Variants in ABCB1 observed in about 807,000 individuals in gnomAD.
ABCB1 encodes ATP binding cassette subfamily B member 1, also known as ATP-dependent translocase ABCB1.
In ABCB1, 69 loss-of-function variants were observed where a neutral mutation model predicts 142.0. That is an observed-to-expected ratio of 0.49 (90% CI 0.40 to 0.59). ABCB1 has a LOEUF of 0.59. Among genes scored for constraint, ABCB1 ranks in the 20% least tolerant of loss-of-function variants. The pLI is 0.00. For synonymous variants in ABCB1, 532 were observed against 539.2 expected (o/e 0.99, Z 0.18); for missense variants, 1,326 against 1,554.7 (o/e 0.85, Z 2.47).
At chr7:87,564,353 T>C (rs1158302534) in intron 7 of ABCB1, among the ~76,000 whole-genome samples, 1 of 152,198 alleles carries the variant, frequency 6.6e-6, no homozygotes, top group Non-Finnish European at 1.5e-5. Flanking sequence ...GGGCTCCCAC[T>C]GGCCCCTGCT....
At chr7:87,703,419 A>C (rs1829265459) in intron 1 of ABCB1, among the ~76,000 whole-genome samples, 1 of 152,174 alleles carries the variant, frequency 6.6e-6, no homozygotes, top group Non-Finnish European at 1.5e-5. Flanking sequence ...TTAGCTCCTT[A>C]ATATGAAAGT....
Position 87,566,165 on chromosome 7 carries a change from C to T in ABCB1, c.607G>A (p.Gly203Arg), listed in dbSNP as rs1584886062. 1 of 1,614,164 alleles carries T rather than the reference C, an allele frequency of 6.2e-7. No individual in the cohort carries two copies. The highest frequency in any genetic ancestry group is 8.5e-7 in the Non-Finnish European group (1 of 1,180,006). The change falls in exon 7 of 28, where the codon GGG (glycine) becomes AGG (arginine). Residue 203 changes from glycine to arginine, a missense_variant. Physicochemically the swap from Gly to Arg is moderately radical, Grantham distance 125 (BLOSUM62 -2). Transcript: ENST00000622132. The stretch of plus-strand genomic sequence containing the variant: ...CCACGTGTAAATCCTACTATAAACC[C>T]AGTGAAAAATGTTGCCATTGACTGA... ...FFQSMATFFT[G>R]FIVGFTRGWK...
chr7:87,587,139 G>A (rs1563064762), intron 3 of ABCB1, among the ~76,000 whole-genome samples: 1 of 152,114 alleles, frequency 6.6e-6, no homozygotes, highest in Non-Finnish European at 1.5e-5. Context: ...CTTTGTCTTA[G>A]ATAAGAATTC....
chr7:87,514,827 T>C (rs780026492), intron 25 of ABCB1, among the ~76,000 whole-genome samples: 8 of 152,252 alleles, frequency 5.3e-5, no homozygotes, highest in Non-Finnish European at 1.0e-4. Context: ...AGTCTCCTCC[T>C]TACCCAATCT....
intron 21 of ABCB1, chr7:87,522,408 G>T: frequency 3.0e-6 from 2 of 674,990 alleles, no homozygotes; most frequent in Non-Finnish European, 5.5e-6. Context: ...AGTGGCAGAA[G>T]ATTTTAAATT....
Position 87,520,690 on chromosome 7 carries a change from C to T in ABCB1, c.2786+86G>A, listed in dbSNP as rs1007734698. On this transcript the variant is annotated intron_variant, in intron 22 of 27. Coordinates refer to ENST00000622132, the MANE Select transcript of ABCB1 (RefSeq NM_001348946.2). Reference sequence around the variant, plus strand: ...AGCACTTTCTCCACTTGCTCCCTACCTTCTAGCCAAAGTAATCCCTCTGAA... The same window carrying T: ...AGCACTTTCTCCACTTGCTCCCTACTTTCTAGCCAAAGTAATCCCTCTGAA... 6 of 1,228,410 alleles carry T rather than the reference C, an allele frequency of 4.9e-6. No homozygotes were observed. The African/African-American group carries it at 8.9e-5, about 18-fold the overall frequency. The allele number at this position is 1,228,410 out of a possible 1,614,324, so 76.1% of individuals were successfully genotyped here. A position where few individuals can be genotyped will look rare whatever the true frequency, so the allele number is the denominator to read the frequency against.
intron 3 of ABCB1, among the ~76,000 whole-genome samples, chr7:87,586,506 G>C (rs1818767970): frequency 6.6e-6 from 1 of 152,218 alleles, no homozygotes; most frequent in Non-Finnish European, 1.5e-5. Context: ...AGCTGTGGGT[G>C]TCTATGGATA....
intron 1 of ABCB1, among the ~76,000 whole-genome samples, chr7:87,704,290 G>T (rs1439384045): frequency 6.6e-6 from 1 of 152,006 alleles, no homozygotes; most frequent in Non-Finnish European, 1.5e-5. Flanking sequence ...TAAGGTTTAG[G>T]CTAAGGTTAA....
chr7:87,559,740 G>T lies in ABCB1; in HGVS notation c.827+1523C>A, dbSNP rs1292317138. Among the ~76,000 whole-genome samples the T allele has an allele frequency of 3.3e-5, 5 of 152,134 alleles. No homozygotes were observed. In the East Asian group the frequency reaches 9.6e-4, roughly 29 times the overall value. ...GAGAGAGATTGTTTCCTACTTCACA[G>T]AGTAGTATAAATTCAGACCCCATCT... is the stretch of plus-strand genomic sequence containing the variant. On this transcript the variant is annotated intron_variant, in intron 8 of 27. Coordinates refer to ENST00000622132, the MANE Select transcript of ABCB1 (RefSeq NM_001348946.2).
intron 1 of ABCB1, among the ~76,000 whole-genome samples, chr7:87,645,270 G>C (rs1356523809): frequency 6.6e-6 from 1 of 151,908 alleles, no homozygotes; most frequent in Non-Finnish European, 1.5e-5. Flanking sequence ...TTTTAGTAGA[G>C]ATGGGGTTTC....
chr7:87,544,959 T>A lies in ABCB1; in HGVS notation c.1928A>T (p.Glu643Val). The change falls in exon 16 of 28, where the codon GAA (glutamate) becomes GTA (valine). Residue 643 changes from glutamate to valine, a missense_variant. Physicochemically the swap from Glu to Val is moderately radical, Grantham distance 121 (BLOSUM62 -2). Transcript: ENST00000622132. The stretch of plus-strand genomic sequence containing the variant: ...CAAGGCATCAATTTCACTTTTGGAT[T>A]CATCAGCTGCATTTTCTAATTCAAC... ...NEVELENAAD[E>V]SKSEIDALEM... is the part of the protein sequence containing the mutation. 1 of 1,614,090 alleles carries A rather than the reference T, an allele frequency of 6.2e-7. No homozygotes were observed. Among genetic ancestry groups the A allele is most frequent in the Non-Finnish European group, 8.5e-7 (1 of 1,179,998 alleles).
chr7:87,676,172 A>T (rs1826335151), intron 1 of ABCB1, among the ~76,000 whole-genome samples: 1 of 152,138 alleles, frequency 6.6e-6, no homozygotes, highest in Admixed American at 6.6e-5. Flanking sequence ...GGCTTCAGTG[A>T]GCTATCACCT....
chr7:87,522,755 T>TA (rs1563033308), intron 21 of ABCB1, among the ~76,000 whole-genome samples: 1 of 150,988 alleles, frequency 6.6e-6, no homozygotes, highest in African/African-American at 2.5e-5. Flanking sequence ...GTCCTTTTTT[T>TA]TAAAAAAAAA....
chr7:87,681,896 T>C (rs969166033), intron 1 of ABCB1, among the ~76,000 whole-genome samples: 2 of 152,216 alleles, frequency 1.3e-5, no homozygotes, highest in African/African-American at 2.4e-5. Flanking sequence ...CTTCCTTTCA[T>C]GAAAGGTTTC....
At chr7:87,576,401 C>CTA (rs1400292863) in intron 4 of ABCB1, among the ~76,000 whole-genome samples, 3 of 149,328 alleles carry the variant, frequency 2.0e-5, no homozygotes, top group East Asian at 3.9e-4. Context: ...TACACACACA[C>CTA]TATATATAAG....
At chr7:87,627,018 C>T (rs1820703852) in intron 1 of ABCB1, among the ~76,000 whole-genome samples, 1 of 152,142 alleles carries the variant, frequency 6.6e-6, no homozygotes, top group Non-Finnish European at 1.5e-5. Context: ...TCGTGATCCG[C>T]CCGCCTCAGC....
At chr7:87,667,957 G>GTGTC (rs765947542) in intron 1 of ABCB1, among the ~76,000 whole-genome samples, 2 of 151,890 alleles carry the variant, frequency 1.3e-5, no homozygotes, top group Non-Finnish European at 2.9e-5. Flanking sequence ...TTTTTTTGTT[G>GTGTC]TGTCTCTTCC....
At chr7:87,556,702 C>T (rs11772987) in intron 8 of ABCB1, among the ~76,000 whole-genome samples, 2 of 152,064 alleles carry the variant, frequency 1.3e-5, no homozygotes, top group Non-Finnish European at 2.9e-5. Flanking sequence ...CCTTTGACTT[C>T]TCGCATCCAT....
intron 1 of ABCB1, among the ~76,000 whole-genome samples, chr7:87,675,099 C>G (rs1339592776): frequency 6.6e-6 from 1 of 152,170 alleles, no homozygotes; most frequent in Non-Finnish European, 1.5e-5. Context: ...GCGGGCCGCT[C>G]CTCACTTGTT....
Sources: allele counts gnomAD v4.1 joint callset (sites outside exome capture counted in the v4.1 genomes callset), GRCh38; gene constraint gnomAD v4.1.1; transcripts MANE v1.5; gene names NCBI Gene and HGNC (gene_info 2026-07-23, HGNC 2026-07-21).